ZBTB21: variants seen among roughly 807,000 people sequenced by gnomAD.
ZBTB21 encodes zinc finger and BTB domain containing 21.
ZBTB21 carries 10 observed loss-of-function variants against 39.8 expected under a neutral mutation model. The ratio of observed to expected loss-of-function variants is 0.25; its 90% confidence interval spans 0.16 to 0.43. The LOEUF is 0.43. ZBTB21 is among the 20% of genes least tolerant of loss of function. The pLI, the probability that ZBTB21 is intolerant of heterozygous loss-of-function variation, is 1.00. For synonymous variants in ZBTB21, 551 were observed against 498.8 expected (o/e 1.10, Z -1.40); for missense variants, 1,221 against 1,296.3 (o/e 0.94, Z 0.89).
chr21:41,995,392 A>G (rs1281829806), intron 2 of ZBTB21, among the ~76,000 whole-genome samples: 2 of 152,232 alleles, frequency 1.3e-5, no homozygotes, highest in African/African-American at 2.4e-5. Context: ...GTTATGTTTT[A>G]GCAAAGAGAC....
At chr21:41,999,584 A>G (rs1222931998) in intron 2 of ZBTB21, among the ~76,000 whole-genome samples, 2 of 152,362 alleles carry the variant, frequency 1.3e-5, no homozygotes, top group Admixed American at 6.5e-5. Context: ...AAATAAGATA[A>G]TAATAGTCGC....
At position 41,991,816 on chromosome 21, in the gene ZBTB21, G is replaced by A. The variant is rs777243786; in HGVS notation, c.2280C>T (p.Pro760=). Residue 760 remains proline, a synonymous_variant, in exon 3 of 3, where the codon CCC becomes CCT. Transcript: ENST00000310826. The surrounding 1 kb of genome is among the most constrained non-coding windows in gnomAD (Gnocchi z 4.9). ...TGCTCTCGTGTTCTTGCTTCAGCTC[G>A]GGCGAGAAAAACCTGAGGCTGCAGT... ...CPYCSLRFFS[P]ELKQEHESKC... 20 of 1,614,088 alleles carry A rather than the reference G, an allele frequency of 1.2e-5. No individual in the cohort carries two copies. The highest frequency in any genetic ancestry group is 1.1e-4 in the African/African-American group (8 of 74,932).
In ZBTB21 at chr21:41,993,220, T is replaced by C. The variant is rs746185930; in HGVS notation, c.876A>G (p.Leu292=). 6 of 1,612,086 alleles carry C rather than the reference T, an allele frequency of 3.7e-6. No individual in the cohort carries two copies. In the Admixed American group the frequency reaches 5.0e-5, roughly 13 times the overall value. Residue 292 remains leucine (L), a synonymous_variant, in exon 3 of 3, where the codon TTA becomes TTG. Coordinates refer to ENST00000310826, the MANE Select transcript of ZBTB21 (RefSeq NM_001098402.2). ...GACCATTTCCTTTGTTAGTTTCTTT[T>C]AATAGATAGGGAGTCTCTGATGAGC... ...VCSSSETPYL[L]KETNKGNGQG...
At position 41,991,261 on chromosome 21, in the gene ZBTB21, A is replaced by C. The variant is rs2065649268; in HGVS notation, c.2835T>G (p.Ala945=). ...KPFICHVCNK[A]FRTNFRLWSH... Reference sequence around the variant, plus strand: ...TCCAGAGTCGAAAATTAGTGCGAAAAGCTTTGTTGCACACGTGACAAATAA... The same window carrying C: ...TCCAGAGTCGAAAATTAGTGCGAAACGCTTTGTTGCACACGTGACAAATAA... The change falls in exon 3 of 3, where the codon GCT becomes GCG. Residue 945 remains alanine, a synonymous_variant. Transcript: ENST00000310826. This position sits in a 1 kb window ranked among gnomAD's most constrained non-coding sequence, Gnocchi z 4.9. 6.2e-7 allele frequency: 1 copy of C among 1,614,164 alleles called. No individual in the cohort carries two copies. Among genetic ancestry groups the C allele is most frequent in the East Asian group, 2.2e-5 (1 of 44,892 alleles).
intron 1 of ZBTB21, among the ~76,000 whole-genome samples, chr21:42,003,182 G>C (rs1273540395): frequency 6.6e-6 from 1 of 152,208 alleles, no homozygotes; most frequent in Non-Finnish European, 1.5e-5. Flanking sequence ...ATGAAGGACA[G>C]AAGAGGCAAC....
chr21:42,001,681 T>A (rs996699015), intron 2 of ZBTB21, among the ~76,000 whole-genome samples: 1 of 152,198 alleles, frequency 6.6e-6, no homozygotes, highest in African/African-American at 2.4e-5. Flanking sequence ...TTCCTTTCAG[T>A]AGAACAGTAA....
intron 2 of ZBTB21, among the ~76,000 whole-genome samples, chr21:42,000,736 G>T (rs1569112093): frequency 1.3e-5 from 2 of 152,130 alleles, no homozygotes; most frequent in African/African-American, 4.8e-5. Flanking sequence ...AACATCTATG[G>T]ACTAGGGGAC....
At chr21:42,002,404 C>G (rs1231634554) in intron 2 of ZBTB21, 2 of 152,104 alleles carry the variant, frequency 1.3e-5, no homozygotes, top group Non-Finnish European at 2.9e-5. Flanking sequence ...GGGGGAAAAT[C>G]ACAACTGCTG....
rs751347821 is a variant in ZBTB21, at chr21:41,992,438, T to C, written c.1658A>G (p.Lys553Arg). 7 of 1,614,030 alleles carry C rather than the reference T, an allele frequency of 4.3e-6. No homozygotes were observed. The African/African-American group carries it at 9.3e-5, about 22-fold the overall frequency. Reference protein sequence around the residue: ...NKKFKCKHCLKIFRSTAGLHR... With the variant: ...NKKFKCKHCLRIFRSTAGLHR... ...AAGACCTGCTGTTGATCTAAAGATC[T>C]TAAGGCAATGTTTGCATTTAAATTT... is the stretch of plus-strand genomic sequence containing the variant. Residue 553 changes from lysine (K) to arginine (R), a missense_variant, in exon 3 of 3, where the codon AAG becomes AGG. Around this residue, in one of 4 missense-constraint regions of ZBTB21, gnomAD observed 90 missense variants for 133.1 expected, o/e 0.68. Transcript: ENST00000310826. The surrounding 1 kb of genome is among the most constrained non-coding windows in gnomAD (Gnocchi z 4.1).
chr21:41,991,965 G>A lies in ZBTB21; in HGVS notation c.2131C>T (p.Pro711Ser), dbSNP rs201379071. 55 of 1,614,060 alleles carry A rather than the reference G, an allele frequency of 3.4e-5. No homozygotes were observed. Among genetic ancestry groups the A allele is most frequent in the South Asian group, 5.5e-5 (5 of 91,090 alleles). ...NKVAKPKEHA[P>S]LASPVENKEV... ...TTGTTTTCTACTGGACTTGCAAGAG[G>A]AGCATGCTCTTTTGGTTTAGCAACT... Residue 711 changes from proline (P) to serine (S), a missense_variant, in exon 3 of 3, where the codon CCT becomes TCT. Physicochemically the swap from Pro to Ser is moderately conservative, Grantham distance 74. Transcript: ENST00000310826. This position sits in a 1 kb window ranked among gnomAD's most constrained non-coding sequence, Gnocchi z 4.9.
chr21:41,990,722 A>G lies in ZBTB21; in HGVS notation c.*173T>C, dbSNP rs982053430. 5.4e-6 allele frequency: 3 copies of G among 553,206 alleles called. No individual in the cohort carries two copies. Among genetic ancestry groups the G allele is most frequent in the Non-Finnish European group, 8.6e-6 (3 of 349,742 alleles). The allele number at this position is 553,206 out of a possible 1,614,324, so 34.3% of individuals were successfully genotyped here. The stretch of plus-strand genomic sequence containing the variant: ...ACAATATTTTAAAAGCTGTATTTCT[A>G]AAGTTAAGGACATTACTAAGTAATT... On this transcript the variant is annotated 3_prime_UTR_variant, in exon 3 of 3. Coordinates refer to ENST00000310826, the MANE Select transcript of ZBTB21 (RefSeq NM_001098402.2).
At position 41,989,325 on chromosome 21, in the gene ZBTB21, T is replaced by C. The variant is rs1299012880; in HGVS notation, c.*1570A>G. 6.6e-6 allele frequency: 1 copy of C among 152,164 alleles called. No individual in the cohort carries two copies. 9.4% of individuals were successfully genotyped at this position (152,164 alleles called of 1,614,324 possible). A position where few individuals can be genotyped will look rare whatever the true frequency, so the allele number is the denominator to read the frequency against. On this transcript the variant is annotated 3_prime_UTR_variant, in exon 3 of 3. Coordinates refer to ENST00000310826, the MANE Select transcript of ZBTB21 (RefSeq NM_001098402.2). ...CTTTCCTACCACTGGTATGGAATGT[T>C]GGCAATAAGATTGATGGGTACAGAG...
At chr21:42,001,698 A>C (rs1227627908) in intron 2 of ZBTB21, among the ~76,000 whole-genome samples, 1 of 152,230 alleles carries the variant, frequency 6.6e-6, no homozygotes, top group Non-Finnish European at 1.5e-5. Context: ...GTAACTAGGT[A>C]CTCAATAACA....
At chr21:41,995,222 CAGA>C (rs1311121299) in intron 2 of ZBTB21, among the ~76,000 whole-genome samples, 2 of 152,196 alleles carry the variant, frequency 1.3e-5, no homozygotes, top group Admixed American at 6.5e-5. Context: ...TTAGAGGACT[CAGA>C]AGAAGACAGG....
rs1252023190 is a variant in ZBTB21 at position 41,988,459 on chromosome 21, TA to T, written c.*2435del. On this transcript the variant is annotated 3_prime_UTR_variant, in exon 3 of 3. Transcript: ENST00000310826. ...GCCTACTGGCTGAGATAAACATTCT[TA>T]AAAAACTTTACTGAATAAAGTAATT... is the stretch of plus-strand genomic sequence containing the variant. 5 of 152,238 alleles carry T rather than the reference TA, an allele frequency of 3.3e-5. No homozygotes were observed. Among genetic ancestry groups the T allele is most frequent in the Non-Finnish European group, 7.4e-5 (5 of 68,024 alleles). 9.4% of individuals were successfully genotyped at this position (152,238 alleles called of 1,614,324 possible).
rs2065682030 is a variant in ZBTB21 at position 41,992,733 on chromosome 21, C to T, written c.1363G>A (p.Ala455Thr). 6.2e-7 allele frequency: 1 copy of T among 1,614,168 alleles called. No individual in the cohort carries two copies. Among genetic ancestry groups the T allele is most frequent in the East Asian group, 2.2e-5 (1 of 44,884 alleles). The change falls in exon 3 of 3, where the codon GCA becomes ACA. Residue 455 changes from alanine (A) to threonine (T), a missense_variant. By Grantham distance (58) the Ala-to-Thr change is moderately conservative (BLOSUM62 0). This residue lies in a region of ZBTB21 where 500 missense variants were observed against 465.6 expected (regional missense o/e 1.07). Transcript: ENST00000310826. This position sits in a 1 kb window ranked among gnomAD's most constrained non-coding sequence, Gnocchi z 4.1. ...GTGACCGACGAAGATGAGGCAGCTG[C>T]TGTTGTTGCCGCATCTCCCACAGTG... is the stretch of plus-strand genomic sequence containing the variant. ...RVTVGDAATT[A>T]AASSSSVTRD...
At chr21:42,004,885 A>C (rs951880985) in intron 1 of ZBTB21, among the ~76,000 whole-genome samples, 13 of 152,188 alleles carry the variant, frequency 8.5e-5, no homozygotes, top group African/African-American at 3.1e-4. Flanking sequence ...CTACCATTGG[A>C]TTTTACTATT....
chr21:41,997,592 A>G (rs1208410108), intron 2 of ZBTB21, among the ~76,000 whole-genome samples: 4 of 137,622 alleles, frequency 2.9e-5, no homozygotes, highest in African/African-American at 8.1e-5. Context: ...AAAAAAAACA[A>G]AAAAACAAAA....
rs1289966071 is a variant in ZBTB21, at chr21:41,987,519, ATTAT to A, written c.*3372_*3375del. ...ACACTTTTAAAGAGTACGTGTCAGCATTATTTAAATCAATAATGCATTTCACAAT... is the reference window on the plus strand; with the variant it reads ...ACACTTTTAAAGAGTACGTGTCAGCATTAAATCAATAATGCATTTCACAAT... On this transcript the variant is annotated 3_prime_UTR_variant, in exon 3 of 3. Coordinates refer to ENST00000310826, the MANE Select transcript of ZBTB21 (RefSeq NM_001098402.2). 4 of 152,260 alleles carry A rather than the reference ATTAT, an allele frequency of 2.6e-5. No individual in the cohort carries two copies. Among genetic ancestry groups the A allele is most frequent in the African/African-American group, 9.6e-5 (4 of 41,468 alleles). The allele number at this position is 152,260 out of a possible 1,614,324, so 9.4% of individuals were successfully genotyped here. A position where few individuals can be genotyped will look rare whatever the true frequency, so the allele number is the denominator to read the frequency against.
Sources: allele counts gnomAD v4.1 joint callset (sites outside exome capture counted in the v4.1 genomes callset), GRCh38; gene constraint gnomAD v4.1.1; regional missense constraint gnomAD v4.1.1; non-coding constraint Gnocchi (gnomAD v3.1); transcripts MANE v1.5; gene names NCBI Gene and HGNC (gene_info 2026-07-23, HGNC 2026-07-21).